ATG4C: variants seen among roughly 807,000 people sequenced by gnomAD.
ATG4C encodes cysteine protease ATG4C.
In ATG4C, 56 loss-of-function variants were observed where a neutral mutation model predicts 57.6. The ratio of observed to expected loss-of-function variants is 0.97; its 90% CI spans 0.78 to 1.21. The LOEUF is 1.21. ATG4C is among the 50% of genes most tolerant of loss of function. ATG4C has a pLI of 0.00. For synonymous variants in ATG4C, 157 were observed against 174.1 expected, an observed-to-expected ratio of 0.90 and a Z score of 0.78; for missense variants, 595 against 529.8, an observed-to-expected ratio of 1.12 and a Z score of -1.21.
intron 7 of ATG4C, among the ~76,000 whole-genome samples, chr1:62,832,850 T>C (rs746608512): frequency 5.3e-5 from 8 of 152,224 alleles, no homozygotes; most frequent in Non-Finnish European, 1.0e-4. Context: ...ATTATTAATA[T>C]AGATCTCTAT....
At chr1:62,795,404 G>A (rs1664428308) in intron 1 of ATG4C, among the ~76,000 whole-genome samples, 1 of 152,184 alleles carries the variant, frequency 6.6e-6, no homozygotes, top group Non-Finnish European at 1.5e-5. Flanking sequence ...CATATCAGAT[G>A]TAGCTCTGCT....
rs1572187319 is a variant in ATG4C, at chr1:62,864,274, T to C, written c.*115T>C. 6 of 849,370 alleles carry C rather than the reference T, an allele frequency of 7.1e-6. No individual in the cohort carries two copies. The Admixed American group carries it at 1.8e-4, about 25-fold the overall frequency. 52.6% of individuals were successfully genotyped at this position (849,370 alleles called of 1,614,324 possible). A position where few individuals can be genotyped will look rare whatever the true frequency, so the allele number is the denominator to read the frequency against. On this transcript the variant is annotated 3_prime_UTR_variant, in exon 11 of 11. Coordinates refer to ENST00000317868, the MANE Select transcript of ATG4C (RefSeq NM_032852.4). ...AAATATCTTAATTTTATATGTTCTT[T>C]AAAAAAGAACATTTGAAAATATAAC...
chr1:62,812,929 T>C lies in ATG4C; in HGVS notation c.161-3646T>C, dbSNP rs192182756. ...CAACTTACAAGGGATGTGAAGGACC[T>C]CTTCAAGGAGAACTACAAACCGCTG... is the stretch of plus-strand genomic sequence containing the variant. On this transcript the variant is annotated intron_variant, in intron 3 of 10. Coordinates refer to ENST00000317868, the MANE Select transcript of ATG4C (RefSeq NM_032852.4). Among the ~76,000 whole-genome samples, 802 of 152,212 alleles carry C rather than the reference T, an allele frequency of 5.3e-3. 10 individuals are homozygous for C. The highest frequency in any genetic ancestry group is 0.019 in the African/African-American group (778 of 41,512).
Position 62,829,087 on chromosome 1 carries a change from G to C in ATG4C, c.844G>C (p.Asp282His). Residue 282 changes from aspartate (D) to histidine (H), a missense_variant, in exon 7 of 11, where the codon GAT becomes CAT. Asp to His is a moderately conservative substitution (Grantham distance 81). Coordinates refer to ENST00000317868, the MANE Select transcript of ATG4C (RefSeq NM_032852.4). Reference sequence around the variant, plus strand: ...TAAACAGAGTGCTTCCATGACTTCTGATAATGCAGATGACAAAGCTGTTAT... The same window carrying C: ...TAAACAGAGTGCTTCCATGACTTCTCATAATGCAGATGACAAAGCTGTTAT... Reference protein sequence around the residue: ...IDKQSASMTSDNADDKAVIIL... With the variant: ...IDKQSASMTSHNADDKAVIIL... 6.2e-7 allele frequency: 1 copy of C among 1,612,920 alleles called. No individual in the cohort carries two copies. The highest frequency in any genetic ancestry group is 8.5e-7 in the Non-Finnish European group (1 of 1,179,220).
intron 9 of ATG4C, among the ~76,000 whole-genome samples, chr1:62,837,005 T>A (rs180861225): frequency 6.6e-6 from 1 of 152,288 alleles, no homozygotes; most frequent in East Asian, 1.9e-4. Context: ...CTTAACATTT[T>A]GAAACCAAAT....
At position 62,819,008 on chromosome 1, in the gene ATG4C, G is replaced by T. The variant is rs1436275811; in HGVS notation, c.398G>T (p.Trp133Leu). 1 of 1,542,072 alleles carries T rather than the reference G, an allele frequency of 6.5e-7. No individual in the cohort carries two copies. Among genetic ancestry groups the T allele is most frequent in the African/African-American group, 1.4e-5 (1 of 72,422 alleles). ...CTTTGCTTTGGAACTACTATAGCTT[G>T]GACCTGGCCTGATGCTTTGAATATT... Reference protein sequence around the residue: ...GLILHFLGRAWTWPDALNIEN... With the variant: ...GLILHFLGRALTWPDALNIEN... The change falls in exon 5 of 11, where the codon TGG (tryptophan) becomes TTG (leucine). Residue 133 changes from tryptophan to leucine, a missense_variant. Transcript: ENST00000317868.
At chr1:62,860,845 C>CT (rs1402817201) in intron 10 of ATG4C, among the ~76,000 whole-genome samples, 7 of 152,128 alleles carry the variant, frequency 4.6e-5, no homozygotes, top group Non-Finnish European at 1.0e-4. Context: ...GTGGCAGGGA[C>CT]TAGTGGAAAA....
intron 10 of ATG4C, among the ~76,000 whole-genome samples, chr1:62,856,034 A>G (rs540403647): frequency 1.3e-5 from 2 of 152,338 alleles, no homozygotes; most frequent in South Asian, 4.1e-4. Flanking sequence ...AGTCTTATAG[A>G]GTAAGAGAAT....
At chr1:62,801,847 A>G (rs1225702828) in intron 1 of ATG4C, among the ~76,000 whole-genome samples, 4 of 143,384 alleles carry the variant, frequency 2.8e-5, no homozygotes, top group Middle Eastern at 8.0e-3. Context: ...AGTCCCAGTT[A>G]CTCGGGAGGC....
intron 3 of ATG4C, among the ~76,000 whole-genome samples, chr1:62,811,247 A>G (rs114998108): frequency 2.6e-5 from 4 of 152,334 alleles, no homozygotes; most frequent in Non-Finnish European, 5.9e-5. Flanking sequence ...TGTCTCTATT[A>G]TTTAATTTCT....
intron 10 of ATG4C, among the ~76,000 whole-genome samples, chr1:62,854,301 CAG>C (rs1390363251): frequency 6.9e-6 from 1 of 144,638 alleles, no homozygotes; most frequent in Non-Finnish European, 1.5e-5. Flanking sequence ...TTTTTTCAGA[CAG>C]AGTCTTGCTC....
chr1:62,818,742 A>G (rs1331849070), intron 4 of ATG4C, among the ~76,000 whole-genome samples: 1 of 152,100 alleles, frequency 6.6e-6, no homozygotes, highest in Non-Finnish European at 1.5e-5. Context: ...TAGCATAGTT[A>G]TAGAGTTCCA....
At chr1:62,814,726 GT>G (rs891789058) in intron 3 of ATG4C, among the ~76,000 whole-genome samples, 52 of 151,998 alleles carry the variant, frequency 3.4e-4, no homozygotes, top group Non-Finnish European at 6.9e-4. Context: ...TACTAGCTGA[GT>G]CTTGCTTTTT....
rs977177161 is a variant in ATG4C at position 62,821,200 on chromosome 1, G to T, written c.787G>T (p.Asp263Tyr). The T allele has an allele frequency of 1.3e-6, 2 of 1,592,984 alleles. No homozygotes were observed. Among genetic ancestry groups the T allele is most frequent in the South Asian group, 2.3e-5 (2 of 87,150 alleles). ...AGGAATAACTATTTATGTTGCACAA[G>T]ATTGTACAGGTAAGGAATGTATATA... Reference protein sequence around the residue: ...LQGITIYVAQDCTVYNSDVID... With the variant: ...LQGITIYVAQYCTVYNSDVID... Residue 263 changes from aspartate (D) to tyrosine (Y), a missense_variant, in exon 6 of 11, where the codon GAT becomes TAT. Transcript: ENST00000317868.
intron 10 of ATG4C, among the ~76,000 whole-genome samples, chr1:62,860,003 G>T (rs561554041): frequency 2.6e-5 from 4 of 152,144 alleles, no homozygotes; most frequent in South Asian, 2.1e-4. Context: ...GCTCTACAAA[G>T]ATATTTTCTT....
At chr1:62,798,673 C>G (rs886233274) in intron 1 of ATG4C, among the ~76,000 whole-genome samples, 2 of 151,124 alleles carry the variant, frequency 1.3e-5, no homozygotes, top group Admixed American at 6.6e-5. Context: ...GAGACAGAGT[C>G]TTGCTCTGTT....
rs1381944549 is a variant in ATG4C at position 62,824,399 on chromosome 1, G to T, written c.796+3190G>T. Among the ~76,000 whole-genome samples the T allele has an allele frequency of 3.9e-5, 6 of 152,122 alleles. No individual in the cohort carries two copies. In the East Asian group the frequency reaches 1.2e-3, roughly 29 times the overall value. ...GTGATGAGAAGAATTTGATAGCTCA[G>T]TCTAAATTTGGAATTTAAAGGAAAG... On this transcript the variant is annotated intron_variant, in intron 6 of 10. Transcript: ENST00000317868.
chr1:62,841,485 A>G lies in ATG4C; in HGVS notation c.1147A>G (p.Thr383Ala), dbSNP rs527897688. The change falls in exon 10 of 11, where the codon ACA (threonine) becomes GCA (alanine). Residue 383 changes from threonine to alanine, a missense_variant. Coordinates refer to ENST00000317868, the MANE Select transcript of ATG4C (RefSeq NM_032852.4). ...MSFRKMDPSC[T>A]IGFYCRNVQD... is the part of the protein sequence containing the mutation. ...TTTTCGAAAAATGGATCCCAGCTGT[A>G]CAATAGGATTTTACTGTCGAAATGT... 3.1e-6 allele frequency: 5 copies of G among 1,607,562 alleles called. No homozygotes were observed. In the South Asian group the frequency reaches 3.3e-5, roughly 11 times the overall value.
chr1:62,790,872 T>C (rs1664254331), intron 1 of ATG4C, among the ~76,000 whole-genome samples: 1 of 152,238 alleles, frequency 6.6e-6, no homozygotes, highest in Non-Finnish European at 1.5e-5. Flanking sequence ...AATGCTCTTC[T>C]TTTAACTGAT....
Sources: gnomAD v4.1 joint callset for allele counts (sites outside exome capture counted in the v4.1 genomes callset) on GRCh38, gnomAD v4.1.1 for gene constraint, MANE v1.5 for transcripts, NCBI Gene and HGNC (gene_info 2026-07-23, HGNC 2026-07-21) for gene names.